LRMDA: variants seen among roughly 807,000 people sequenced by gnomAD.
LRMDA encodes the protein leucine-rich melanocyte differentiation-associated protein.
A neutral mutation model predicts 29.8 loss-of-function variants in LRMDA; 18 were observed. The observed-to-expected ratio is 0.60, with a 90% CI of 0.42 to 0.90. The LOEUF (loss-of-function observed/expected upper bound fraction) is 0.90, where lower values mean the gene tolerates loss of function less well. Among genes scored for constraint, LRMDA ranks in the 40% least tolerant of loss-of-function variants. The probability of loss-of-function intolerance (pLI) is 0.00; values close to 1 mark genes in which losing one functional copy is unlikely to be tolerated. For synonymous variants in LRMDA, 125 were observed against 109.4 expected, an observed-to-expected ratio of 1.14 and a Z score of -0.89; for missense variants, 273 against 273.9, an observed-to-expected ratio of 1.00 and a Z score of 0.02.
At chr10:76,232,900 G>T (rs1231394256) in intron 5 of LRMDA, among the ~76,000 whole-genome samples, 4 of 152,148 alleles carry the variant, frequency 2.6e-5, no homozygotes. Context: ...TGGTTTGGGG[G>T]TATGCAAAAA....
intron 2 of LRMDA, among the ~76,000 whole-genome samples, chr10:76,013,145 G>C (rs1159235274): frequency 6.6e-6 from 1 of 152,170 alleles, no homozygotes; most frequent in African/African-American, 2.4e-5. Context: ...AAGATTGCTA[G>C]GCTCGCATTT....
At chr10:75,522,296 A>T (rs918756643) in intron 2 of LRMDA, among the ~76,000 whole-genome samples, 1 of 152,210 alleles carries the variant, frequency 6.6e-6, no homozygotes, top group Non-Finnish European at 1.5e-5. Context: ...GTCTGAGGCC[A>T]CTGCCAAACA....
intron 5 of LRMDA, among the ~76,000 whole-genome samples, chr10:76,247,293 G>C (rs1272168690): frequency 6.6e-6 from 1 of 152,112 alleles, no homozygotes; most frequent in African/African-American, 2.4e-5. Flanking sequence ...CTGTCTTTAA[G>C]GCATGGAGAA....
At chr10:76,057,378 G>A (rs565842454) in intron 4 of LRMDA, among the ~76,000 whole-genome samples, 10 of 152,312 alleles carry the variant, frequency 6.6e-5, no homozygotes, top group Non-Finnish European at 1.2e-4. Context: ...AGAAATATCT[G>A]TGCAACTGAA....
intron 5 of LRMDA, among the ~76,000 whole-genome samples, chr10:76,176,039 G>A (rs747819268): frequency 1.8e-4 from 27 of 152,240 alleles, no homozygotes; most frequent in Admixed American, 3.9e-4. Context: ...ACGGTGGGCT[G>A]CATGCTACCA....
At chr10:75,659,680 T>A (rs1287980093) in intron 2 of LRMDA, among the ~76,000 whole-genome samples, 1 of 152,166 alleles carries the variant, frequency 6.6e-6, no homozygotes, top group Non-Finnish European at 1.5e-5. Flanking sequence ...GATACAAACT[T>A]TCAGTTATAA....
At chr10:76,130,168 A>C (rs1849961016) in intron 5 of LRMDA, among the ~76,000 whole-genome samples, 1 of 151,648 alleles carries the variant, frequency 6.6e-6, no homozygotes, top group Non-Finnish European at 1.5e-5. Flanking sequence ...TAGATACAAA[A>C]GATACTGGGT....
chr10:75,692,538 C>T (rs908710851), intron 2 of LRMDA, among the ~76,000 whole-genome samples: 2 of 142,108 alleles, frequency 1.4e-5, no homozygotes, highest in Non-Finnish European at 3.1e-5. Flanking sequence ...CGTATGTATA[C>T]ATATATACAC....
intron 2 of LRMDA, among the ~76,000 whole-genome samples, chr10:75,446,996 A>G (rs1844403592): frequency 6.6e-6 from 1 of 152,202 alleles, no homozygotes. Context: ...AAGCATGCTG[A>G]TATTGGGGTA....
At chr10:76,008,579 G>A (rs1847715856) in intron 2 of LRMDA, among the ~76,000 whole-genome samples, 1 of 152,220 alleles carries the variant, frequency 6.6e-6, no homozygotes, top group Non-Finnish European at 1.5e-5. Flanking sequence ...CAGGGCACAG[G>A]GGACTGGCGT....
chr10:75,569,151 T>A (rs1343213950), intron 2 of LRMDA, among the ~76,000 whole-genome samples: 1 of 152,222 alleles, frequency 6.6e-6, no homozygotes, highest in Non-Finnish European at 1.5e-5. Context: ...ACTCTTTCTT[T>A]TTTCTCTCTT....
intron 2 of LRMDA, among the ~76,000 whole-genome samples, chr10:76,008,508 C>T (rs188240374): frequency 2.6e-5 from 4 of 152,334 alleles, no homozygotes; most frequent in African/African-American, 4.8e-5. Context: ...CCTTCAATTC[C>T]GAGGCTGGCT....
intron 5 of LRMDA, among the ~76,000 whole-genome samples, chr10:76,243,575 A>G (rs572835766): frequency 6.6e-6 from 1 of 152,316 alleles, no homozygotes; most frequent in East Asian, 1.9e-4. Flanking sequence ...AGAGCAAGGT[A>G]TAAGGGGAAC....
chr10:76,182,924 A>G (rs1031000306), intron 5 of LRMDA, among the ~76,000 whole-genome samples: 3 of 152,166 alleles, frequency 2.0e-5, no homozygotes, highest in Non-Finnish European at 2.9e-5. Flanking sequence ...AGAGAAGGAC[A>G]AGCCAGTTAT....
intron 5 of LRMDA, among the ~76,000 whole-genome samples, chr10:76,303,071 AT>A (rs1310410710): frequency 2.6e-5 from 4 of 152,194 alleles, no homozygotes; most frequent in Non-Finnish European, 5.9e-5. Context: ...TAGCAACAGC[AT>A]TCCTGTGCTT....
intron 6 of LRMDA, among the ~76,000 whole-genome samples, chr10:76,554,941 G>T (rs1422681937): frequency 6.6e-6 from 1 of 151,992 alleles, no homozygotes; most frequent in Non-Finnish European, 1.5e-5. Flanking sequence ...TTAAGAGAAA[G>T]ATTGTGTTCT....
intron 2 of LRMDA, among the ~76,000 whole-genome samples, chr10:75,918,118 A>C (rs1005134162): frequency 6.6e-6 from 1 of 152,176 alleles, no homozygotes; most frequent in Non-Finnish European, 1.5e-5. Context: ...GAACTTGATG[A>C]GATCATGGAA....
chr10:75,714,775 C>T (rs1842477796), intron 2 of LRMDA, among the ~76,000 whole-genome samples: 1 of 150,938 alleles, frequency 6.6e-6, no homozygotes, highest in Non-Finnish European at 1.5e-5. Flanking sequence ...ATTTTCCATC[C>T]CTCCTTCCCT....
intron 5 of LRMDA, among the ~76,000 whole-genome samples, chr10:76,154,399 C>T (rs189570415): frequency 6.6e-6 from 1 of 152,298 alleles, no homozygotes; most frequent in East Asian, 1.9e-4. Flanking sequence ...ATTAGAGCAT[C>T]TAGACCAAAC....
Sources: gnomAD v4.1 joint callset for allele counts (sites outside exome capture counted in the v4.1 genomes callset) on GRCh38, gnomAD v4.1.1 for gene constraint, MANE v1.5 for transcripts, NCBI Gene and HGNC (gene_info 2026-07-23, HGNC 2026-07-21) for gene names.